Variants in RGS6 observed in about 807,000 individuals in gnomAD.
RGS6 encodes regulator of G-protein signaling 6.
In RGS6, 30 loss-of-function variants were observed where a neutral mutation model predicts 78.5. The observed-to-expected ratio is 0.38, with a 90% CI of 0.29 to 0.52. The LOEUF (loss-of-function observed/expected upper bound fraction) is 0.52, where lower values mean the gene tolerates loss of function less well. RGS6 is among the 20% of genes least tolerant of loss of function. RGS6 has a pLI of 0.85. For missense variants in RGS6, 495 were observed against 609.7 expected, an observed-to-expected ratio of 0.81 and a Z score of 1.98; for synonymous variants, 206 against 206.0, an observed-to-expected ratio of 1.00 and a Z score of 0.00.
At chr14:71,951,165 C>A (rs894329905) in intron 1 of RGS6, among the ~76,000 whole-genome samples, 3 of 152,142 alleles carry the variant, frequency 2.0e-5, no homozygotes, top group African/African-American at 7.2e-5. Context: ...CCCAAATACC[C>A]ATCAATAATA....
chr14:72,126,695 C>A (rs2096202135), intron 2 of RGS6, among the ~76,000 whole-genome samples: 1 of 152,198 alleles, frequency 6.6e-6, no homozygotes. Flanking sequence ...ATCTTTACAT[C>A]AGAGCCTTGG....
chr14:72,294,835 T>A (rs2064379773), intron 2 of RGS6, among the ~76,000 whole-genome samples: 1 of 152,062 alleles, frequency 6.6e-6, no homozygotes, highest in Non-Finnish European at 1.5e-5. Flanking sequence ...TCCAATCACC[T>A]CTTACCAGGC....
At chr14:72,424,940 G>T (rs1364568816) in intron 3 of RGS6, among the ~76,000 whole-genome samples, 1 of 152,132 alleles carries the variant, frequency 6.6e-6, no homozygotes, top group East Asian at 1.9e-4. Flanking sequence ...CCTGAGTTTG[G>T]CTCCATGCTT....
the RGS6 span, among the ~76,000 whole-genome samples, chr14:71,913,421 T>C: frequency 1.2e-4 from 18 of 152,328 alleles, no homozygotes; most frequent in Admixed American, 1.1e-3. Context: ...AAAATAAAGT[T>C]TTCTCCTTTC....
chr14:72,449,938 C>T (rs2095451953), intron 3 of RGS6, among the ~76,000 whole-genome samples: 1 of 152,186 alleles, frequency 6.6e-6, no homozygotes, highest in Admixed American at 6.5e-5. Flanking sequence ...TTACCCATAC[C>T]ATCTCCACTT....
At chr14:72,592,667 G>A in the RGS6 span, among the ~76,000 whole-genome samples, 1 of 152,190 alleles carries the variant, frequency 6.6e-6, no homozygotes, top group Non-Finnish European at 1.5e-5. Context: ...TGTGCTGTGG[G>A]CCTCACCCTT....
intron 2 of RGS6, among the ~76,000 whole-genome samples, chr14:71,993,311 TA>T (rs1480419202): frequency 8.0e-6 from 1 of 124,862 alleles, no homozygotes; most frequent in Non-Finnish European, 1.8e-5. Flanking sequence ...TTTGACAAAA[TA>T]TTTTTTTTAG....
chr14:72,353,904 A>T lies in RGS6; in HGVS notation c.184+1710A>T, dbSNP rs111378332. 8.5e-3 allele frequency among the ~76,000 whole-genome samples: 1,290 copies of T among 152,186 alleles called. 11 individuals carry two copies. The highest frequency in any genetic ancestry group is 0.013 in the Non-Finnish European group (887 of 68,000). On this transcript the variant is annotated intron_variant, in intron 3 of 17. Transcript: ENST00000553525. ...GAGACTGAGGCAGGAGAATCACTTG[A>T]ACCTGGGAGGTAGAGGTTGCAGTGA...
intron 12 of RGS6, among the ~76,000 whole-genome samples, chr14:72,484,775 G>T (rs190944058): frequency 6.6e-6 from 1 of 152,088 alleles, no homozygotes; most frequent in Non-Finnish European, 1.5e-5. Flanking sequence ...ACCAGGATTG[G>T]TTACTATTGT....
intron 3 of RGS6, among the ~76,000 whole-genome samples, chr14:72,439,829 GT>G (rs2095110661): frequency 1.3e-5 from 2 of 152,216 alleles, no homozygotes; most frequent in Admixed American, 1.3e-4. Flanking sequence ...GAGTAGCTGT[GT>G]TCTGCTGAAG....
chr14:72,199,114 G>A (rs1379038154), intron 2 of RGS6, among the ~76,000 whole-genome samples: 4 of 152,160 alleles, frequency 2.6e-5, no homozygotes, highest in Admixed American at 2.6e-4. Context: ...GCCATTGAAG[G>A]GGAGAAGGGA....
intron 2 of RGS6, among the ~76,000 whole-genome samples, chr14:72,129,851 C>T (rs1358296456): frequency 6.6e-6 from 1 of 152,146 alleles, no homozygotes; most frequent in African/African-American, 2.4e-5. Context: ...GGAAAAGAAA[C>T]CCCACCTCAT....
intron 17 of RGS6, among the ~76,000 whole-genome samples, chr14:72,554,314 C>G (rs2097542761): frequency 6.6e-6 from 1 of 152,196 alleles, no homozygotes; most frequent in Non-Finnish European, 1.5e-5. Context: ...GGTCAGAGTC[C>G]TCATAGGTCC....
chr14:72,120,206 G>A (rs913370554), intron 2 of RGS6, among the ~76,000 whole-genome samples: 6 of 152,156 alleles, frequency 3.9e-5, no homozygotes, highest in African/African-American at 1.2e-4. Flanking sequence ...TACTATTAAG[G>A]AATGATAGAT....
intron 2 of RGS6, among the ~76,000 whole-genome samples, chr14:72,075,204 A>G (rs1010656765): frequency 3.3e-5 from 5 of 152,044 alleles, no homozygotes; most frequent in African/African-American, 4.8e-5. Flanking sequence ...AAACTCGCCC[A>G]TTTTCCCATG....
chr14:72,375,111 TGAAGAA>T (rs757708824), intron 3 of RGS6, among the ~76,000 whole-genome samples: 1 of 152,130 alleles, frequency 6.6e-6, no homozygotes, highest in Non-Finnish European at 1.5e-5. Flanking sequence ...TTAAAAGACT[TGAAGAA>T]GAGAGTGATA....
chr14:72,447,244 A>C (rs1243884639), intron 3 of RGS6, among the ~76,000 whole-genome samples: 1 of 152,070 alleles, frequency 6.6e-6, no homozygotes, highest in Non-Finnish European at 1.5e-5. Flanking sequence ...CCTTCAACTG[A>C]ATTACAGTGG....
intron 8 of RGS6, among the ~76,000 whole-genome samples, chr14:72,470,525 A>G (rs1238378452): frequency 6.6e-6 from 1 of 152,170 alleles, no homozygotes; most frequent in African/African-American, 2.4e-5. Flanking sequence ...CCAACAGAAA[A>G]AGAAGGCACA....
At chr14:72,036,411 G>A (rs1459244896) in intron 2 of RGS6, among the ~76,000 whole-genome samples, 1 of 152,032 alleles carries the variant, frequency 6.6e-6, no homozygotes, top group African/African-American at 2.4e-5. Flanking sequence ...GTAATGCTTA[G>A]GTAATTCCTA....
Sources: gnomAD v4.1 joint callset for allele counts (sites outside exome capture counted in the v4.1 genomes callset) on GRCh38, gnomAD v4.1.1 for gene constraint, MANE v1.5 for transcripts, NCBI Gene and HGNC (gene_info 2026-07-23, HGNC 2026-07-21) for gene names.